FOXP1: variants seen among roughly 807,000 people sequenced by gnomAD.
FOXP1 encodes forkhead box P1, also known as forkhead box protein P1.
A neutral mutation model predicts 98.2 loss-of-function variants in FOXP1; 15 were observed. That is an observed-to-expected ratio of 0.15 (90% confidence interval 0.10 to 0.24). The LOEUF is 0.24. FOXP1 is among the 10% of genes least tolerant of loss of function. FOXP1 has a pLI of 1.00. For missense variants in FOXP1, 633 were observed against 848.5 expected (o/e 0.75, Z 3.15); for synonymous variants, 371 against 314.5 (o/e 1.18, Z -1.90).
At chr3:71,307,737 C>T (rs926820352) in intron 4 of FOXP1, among the ~76,000 whole-genome samples, 3 of 152,188 alleles carry the variant, frequency 2.0e-5, no homozygotes, top group Non-Finnish European at 4.4e-5. Flanking sequence ...GGTAGTTATG[C>T]TTCCCAGCTC....
intron 5 of FOXP1, chr3:71,288,488 G>A (rs1241237310): frequency 4.6e-5 from 7 of 152,212 alleles, no homozygotes; most frequent in African/African-American, 9.6e-5. Context: ...ATAGACAGAC[G>A]TGGCTCAGGC....
At chr3:71,236,018 G>C (rs9835527) in intron 5 of FOXP1, among the ~76,000 whole-genome samples, 25,436 of 152,122 alleles carry the variant, frequency 0.17, 2,251 homozygotes, top group African/African-American at 0.21. Flanking sequence ...CTCCAGGACC[G>C]CATGTAACAA....
intron 2 of FOXP1, chr3:71,572,111 T>G (rs916633154): frequency 6.6e-6 from 1 of 152,248 alleles, no homozygotes; most frequent in Non-Finnish European, 1.5e-5. Context: ...TTTAACTCGC[T>G]ACCCTGCATA....
At chr3:71,011,343 G>A (rs1304675584) in intron 12 of FOXP1, among the ~76,000 whole-genome samples, 1 of 152,152 alleles carries the variant, frequency 6.6e-6, no homozygotes, top group Non-Finnish European at 1.5e-5. Flanking sequence ...CTCAAAGCTA[G>A]AACACATGAC....
rs191598506 is a variant in FOXP1, at chr3:71,201,555, G to A, written c.-11-3163C>T. On this transcript the variant is annotated intron_variant, in intron 5 of 20. Coordinates refer to ENST00000649528, the MANE Select transcript of FOXP1 (RefSeq NM_001349338.3). ...CCAGCTACTCGGGAGGCTGAGGCAGGAGAACTGCTTGAACCCAGGAGGCAG... is the reference window on the plus strand; with the variant it reads ...CCAGCTACTCGGGAGGCTGAGGCAGAAGAACTGCTTGAACCCAGGAGGCAG... Among the ~76,000 whole-genome samples the A allele has an allele frequency of 3.3e-4, 50 of 152,226 alleles. 1 individual carries two copies. The East Asian group carries it at 6.6e-3, about 20-fold the overall frequency.
At chr3:71,033,750 C>G (rs888955587) in intron 11 of FOXP1, among the ~76,000 whole-genome samples, 1 of 152,090 alleles carries the variant, frequency 6.6e-6, no homozygotes, top group Admixed American at 6.6e-5. Flanking sequence ...TGAGAGAATC[C>G]TTTCTCCCAC....
At chr3:71,151,899 G>T (rs141420427) in intron 6 of FOXP1, among the ~76,000 whole-genome samples, 1 of 152,198 alleles carries the variant, frequency 6.6e-6, no homozygotes, top group East Asian at 1.9e-4. Context: ...GACTAAGATG[G>T]CCCCTAATGA....
chr3:71,266,255 A>AT (rs36076546), intron 5 of FOXP1, among the ~76,000 whole-genome samples: 17,356 of 151,492 alleles, frequency 0.11, 1,108 homozygotes, highest in East Asian at 0.25. Context: ...AAATTTGTTT[A>AT]TTTTTTTTGA....
intron 5 of FOXP1, among the ~76,000 whole-genome samples, chr3:71,287,600 C>T (rs1036377953): frequency 6.6e-6 from 1 of 151,838 alleles, no homozygotes; most frequent in African/African-American, 2.4e-5. Flanking sequence ...ACAAACATGG[C>T]GAAACCCTGT....
chr3:71,214,402 C>T (rs1032273062), intron 5 of FOXP1, among the ~76,000 whole-genome samples: 1 of 152,154 alleles, frequency 6.6e-6, no homozygotes, highest in African/African-American at 2.4e-5. Context: ...TTCTCTTTGC[C>T]TGCTGAGTGC....
chr3:71,215,563 C>G (rs1246199526), intron 5 of FOXP1, among the ~76,000 whole-genome samples: 2 of 152,164 alleles, frequency 1.3e-5, no homozygotes, highest in African/African-American at 4.8e-5. Context: ...TCATAAAACC[C>G]AGCCCTTTGG....
At chr3:71,014,036 A>C (rs1403716978) in intron 12 of FOXP1, among the ~76,000 whole-genome samples, 1 of 152,128 alleles carries the variant, frequency 6.6e-6, no homozygotes, top group African/African-American at 2.4e-5. Context: ...AGACCTAAAA[A>C]CCATAAAATC....
At chr3:71,479,408 T>C (rs998480201) in intron 3 of FOXP1, among the ~76,000 whole-genome samples, 1 of 152,218 alleles carries the variant, frequency 6.6e-6, no homozygotes, top group African/African-American at 2.4e-5. Context: ...TATATCTAAA[T>C]GTGGACACAT....
intron 4 of FOXP1, among the ~76,000 whole-genome samples, chr3:71,331,704 C>T (rs375004025): frequency 1.3e-5 from 2 of 152,132 alleles, no homozygotes; most frequent in African/African-American, 4.8e-5. Context: ...CTGGACCAAT[C>T]GGCACTCTGC....
At chr3:71,047,187 G>A in intron 9 of FOXP1, 92 bp from the exon 10 acceptor site, 2 of 1,446,634 alleles carry the variant, frequency 1.4e-6, no homozygotes, top group Non-Finnish European at 1.9e-6. Context: ...ATCATCAAAT[G>A]CTGAGAATGG....
At chr3:71,449,435 G>A (rs1162320463) in intron 3 of FOXP1, among the ~76,000 whole-genome samples, 2 of 152,164 alleles carry the variant, frequency 1.3e-5, no homozygotes, top group Non-Finnish European at 2.9e-5. Flanking sequence ...CCTGCAAGGA[G>A]GCTCCAAGAT....
At chr3:71,033,797 G>A (rs756936436) in intron 11 of FOXP1, among the ~76,000 whole-genome samples, 3 of 152,102 alleles carry the variant, frequency 2.0e-5, no homozygotes, top group Non-Finnish European at 4.4e-5. Flanking sequence ...TAAGCAATCA[G>A]ACACATCACA....
At chr3:71,581,795 C>T in intron 1 of FOXP1, 98 bp from the exon 2 acceptor site, 1 of 986,048 alleles carries the variant, frequency 1.0e-6, no homozygotes, top group Non-Finnish European at 1.2e-6. Flanking sequence ...GGCCGAGGGG[C>T]CAGGACAGAG....
chr3:70,976,553 TCTGGAGATAGATCG>T (rs1415011219), intron 17 of FOXP1, among the ~76,000 whole-genome samples: 4 of 152,320 alleles, frequency 2.6e-5, no homozygotes, highest in African/African-American at 7.2e-5. Flanking sequence ...AGGTTCCATC[TCTGGAGATAGATCG>T]CTGGAGATAC....
Sources: gnomAD v4.1 joint callset for allele counts (sites outside exome capture counted in the v4.1 genomes callset) on GRCh38, gnomAD v4.1.1 for gene constraint, MANE v1.5 for transcripts, NCBI Gene and HGNC (gene_info 2026-07-23, HGNC 2026-07-21) for gene names.